Variants in NACC2 observed in about 807,000 individuals in gnomAD.
NACC2 encodes the protein NACC family member 2, also known as nucleus accumbens-associated protein 2.
Under a neutral mutation model 25.1 loss-of-function variants are expected in NACC2, and 8 were observed. The ratio of observed to expected loss-of-function variants is 0.32; its 90% CI spans 0.19 to 0.57. NACC2 has a LOEUF of 0.57. NACC2 is among the 20% of genes least tolerant of loss of function. NACC2 has a pLI of 0.89. For synonymous variants in NACC2, 435 were observed against 294.7 expected (o/e 1.48, Z -4.88); for missense variants, 644 against 650.2 (o/e 0.99, Z 0.10).
intron 2 of NACC2, among the ~76,000 whole-genome samples, chr9:136,041,411 T>C (rs1469360770): frequency 1.6e-4 from 23 of 147,636 alleles, no homozygotes; most frequent in Non-Finnish European, 2.2e-4. Flanking sequence ...GAGTGAGACA[T>C]GATCTGAGAA....
At chr9:136,076,330 TTC>T (rs917672231) in intron 1 of NACC2, among the ~76,000 whole-genome samples, 6 of 152,166 alleles carry the variant, frequency 3.9e-5, no homozygotes, top group African/African-American at 1.2e-4. Context: ...TCCTCAAATG[TTC>T]TCTGAGCCAG....
chr9:136,051,484 C>A (rs995970581), intron 1 of NACC2, among the ~76,000 whole-genome samples: 1 of 152,168 alleles, frequency 6.6e-6, no homozygotes. Flanking sequence ...CTGGGGAGGG[C>A]GCCGCTGTTT....
Position 136,054,071 on chromosome 9 carries a change from G to C in NACC2, c.-59-3491C>G, listed in dbSNP as rs1039557173. 2.4e-4 allele frequency among the ~76,000 whole-genome samples: 37 copies of C among 152,366 alleles called. No individual in the cohort carries two copies. The East Asian group carries it at 7.1e-3, about 29-fold the overall frequency. On this transcript the variant is annotated intron_variant, in intron 1 of 5. Coordinates refer to ENST00000277554, the MANE Select transcript of NACC2 (RefSeq NM_144653.5). ...TGATTTACCCTCAGATGGTTCCTGG[G>C]GGTGAATGGAACAATGTTTGTGAAG...
At chr9:136,025,227 G>A (rs1254422586) in intron 2 of NACC2, among the ~76,000 whole-genome samples, 1 of 152,172 alleles carries the variant, frequency 6.6e-6, no homozygotes, top group Non-Finnish European at 1.5e-5. Flanking sequence ...CACGGGCGCT[G>A]CTGGATGGCA....
At chr9:136,028,864 A>G (rs1007864200) in intron 2 of NACC2, among the ~76,000 whole-genome samples, 37 of 152,202 alleles carry the variant, frequency 2.4e-4, no homozygotes, top group African/African-American at 8.9e-4. Flanking sequence ...GGGCACTGTC[A>G]TGACCTGGCC....
intron 1 of NACC2, among the ~76,000 whole-genome samples, chr9:136,059,537 T>C (rs1253098769): frequency 6.6e-6 from 1 of 152,128 alleles, no homozygotes; most frequent in African/African-American, 2.4e-5. Flanking sequence ...CTCAGGGAGC[T>C]GGGGGGTTGC....
intron 2 of NACC2, among the ~76,000 whole-genome samples, chr9:136,025,114 G>A (rs1191653086): frequency 6.6e-6 from 1 of 152,240 alleles, no homozygotes; most frequent in Non-Finnish European, 1.5e-5. Context: ...CCAGCCAAGA[G>A]GAGGGGTTCT....
intron 1 of NACC2, among the ~76,000 whole-genome samples, chr9:136,068,120 G>A (rs1346595705): frequency 6.6e-6 from 1 of 152,194 alleles, no homozygotes; most frequent in African/African-American, 2.4e-5. Flanking sequence ...GAGAGAATGT[G>A]AAGGACTGGG....
rs1830362564 is a variant in NACC2, at chr9:136,084,872, C to A, written c.-60+10317G>T. ...CTGTGGGACTCCACTCACATGCAGT[C>A]CCGGAAGCAGGCCTACAGAGACAGG... On this transcript the variant is annotated intron_variant, in intron 1 of 5. Coordinates refer to ENST00000277554, the MANE Select transcript of NACC2 (RefSeq NM_144653.5). The surrounding 1 kb of genome is among the most constrained non-coding windows in gnomAD (Gnocchi z 5.1). Among the ~76,000 whole-genome samples, 2 of 152,176 alleles carry A rather than the reference C, an allele frequency of 1.3e-5. No individual in the cohort carries two copies. Among genetic ancestry groups the A allele is most frequent in the African/African-American group, 4.8e-5 (2 of 41,432 alleles).
intron 2 of NACC2, among the ~76,000 whole-genome samples, chr9:136,041,292 G>A (rs1049946787): frequency 2.6e-5 from 4 of 152,112 alleles, no homozygotes; most frequent in Admixed American, 2.6e-4. Flanking sequence ...CATGGTGGCG[G>A]GTTCCTGTAA....
chr9:136,055,984 T>TC lies in NACC2; in HGVS notation c.-59-5405_-59-5404insG, dbSNP rs1564233285. On this transcript the variant is annotated intron_variant, in intron 1 of 5. Coordinates refer to ENST00000277554, the MANE Select transcript of NACC2 (RefSeq NM_144653.5). This position sits in a 1 kb window ranked among gnomAD's most constrained non-coding sequence, Gnocchi z 4.9. ...GTTAGGAATACAGTCTGGGGGCTGC[T>TC]ACCCCGTGGACCTTGCCCACCTCCG... Among the ~76,000 whole-genome samples the TC allele has an allele frequency of 6.6e-6, 1 of 152,178 alleles. No homozygotes were observed. Among genetic ancestry groups the TC allele is most frequent in the African/African-American group, 2.4e-5 (1 of 41,444 alleles).
intron 1 of NACC2, among the ~76,000 whole-genome samples, chr9:136,074,668 T>G (rs897240463): frequency 1.3e-5 from 2 of 151,762 alleles, no homozygotes; most frequent in African/African-American, 4.8e-5. Context: ...CAACATTGAC[T>G]CAATACTGAC....
chr9:136,084,380 A>G lies in NACC2; in HGVS notation c.-60+10809T>C, dbSNP rs939561431. Reference sequence around the variant, plus strand: ...GGAGGGCTGCTTCCGAGACTCATCCATCACACAGACACCTCCTACGCAATG... The same window carrying G: ...GGAGGGCTGCTTCCGAGACTCATCCGTCACACAGACACCTCCTACGCAATG... On this transcript the variant is annotated intron_variant, in intron 1 of 5. Transcript: ENST00000277554. This position sits in a 1 kb window ranked among gnomAD's most constrained non-coding sequence, Gnocchi z 5.1. 6.6e-6 allele frequency among the ~76,000 whole-genome samples: 1 copy of G among 152,104 alleles called. No homozygotes were observed. Among genetic ancestry groups the G allele is most frequent in the African/African-American group, 2.4e-5 (1 of 41,414 alleles).
At position 136,037,178 on chromosome 9, in the gene NACC2, C is replaced by G. The variant is rs1016430462; in HGVS notation, c.886+12458G>C. Among the ~76,000 whole-genome samples, 15 of 152,250 alleles carry G rather than the reference C, an allele frequency of 9.9e-5. 1 individual carries two copies. Among genetic ancestry groups the G allele is most frequent in the Admixed American group, 8.5e-4 (13 of 15,292 alleles). The stretch of plus-strand genomic sequence containing the variant: ...TAAATTACACAAGGAAAGCTGATGC[C>G]TTTTATTTTATGCAAGGTTTACCTC... On this transcript the variant is annotated intron_variant, in intron 2 of 5. Transcript: ENST00000277554.
intron 1 of NACC2, among the ~76,000 whole-genome samples, chr9:136,082,120 G>T (rs1205963772): frequency 6.6e-6 from 1 of 152,240 alleles, no homozygotes; most frequent in African/African-American, 2.4e-5. Context: ...CGGGGCCCTG[G>T]GTCAGCTCAT....
chr9:136,071,218 C>A (rs374330158), intron 1 of NACC2, among the ~76,000 whole-genome samples: 1 of 150,256 alleles, frequency 6.7e-6, no homozygotes, highest in Non-Finnish European at 1.5e-5. Flanking sequence ...GCCTGGGAGA[C>A]AGAGCAAGAC....
At chr9:136,067,870 C>T (rs1275012729) in intron 1 of NACC2, among the ~76,000 whole-genome samples, 1 of 152,186 alleles carries the variant, frequency 6.6e-6, no homozygotes, top group Admixed American at 6.5e-5. Context: ...GGTGGTACAG[C>T]CTAACTGTGG....
chr9:136,081,980 C>T (rs529805488), intron 1 of NACC2, among the ~76,000 whole-genome samples: 5 of 152,284 alleles, frequency 3.3e-5, no homozygotes, highest in East Asian at 1.9e-4. Context: ...GGAGCTGACG[C>T]GAGAGCCAGG....
rs571974144 is a variant in NACC2, at chr9:136,020,081, G to C, written c.887-3652C>G. On this transcript the variant is annotated intron_variant, in intron 2 of 5. Transcript: ENST00000277554. This position sits in a 1 kb window ranked among gnomAD's most constrained non-coding sequence, Gnocchi z 4.7. ...AAGTTCTGGAGCCGATGGCAGTGAT[G>C]CTCACAAAACAGTGGGAATGCGCTT... Among the ~76,000 whole-genome samples, 1 of 152,292 alleles carries C rather than the reference G, an allele frequency of 6.6e-6. No individual in the cohort carries two copies. The highest frequency in any genetic ancestry group is 1.9e-4 in the East Asian group (1 of 5,184).
Sources: gnomAD v4.1 joint callset for allele counts (sites outside exome capture counted in the v4.1 genomes callset) on GRCh38, gnomAD v4.1.1 for gene constraint, Gnocchi (gnomAD v3.1) non-coding constraint, MANE v1.5 for transcripts, NCBI Gene and HGNC (gene_info 2026-07-23, HGNC 2026-07-21) for gene names.